The following CFAP61 variants were observed in gnomAD, a reference collection of about 807,000 sequenced individuals.
The protein encoded by CFAP61 is cilia and flagella associated protein 61.
A neutral mutation model predicts 135.6 loss-of-function variants in CFAP61; 107 were observed. The observed-to-expected ratio is 0.79, with a 90% confidence interval of 0.67 to 0.93. CFAP61 has a LOEUF of 0.93. CFAP61 is among the 40% of genes least tolerant of loss of function. CFAP61 has a pLI of 0.00. For synonymous variants in CFAP61, 575 were observed against 578.5 expected (o/e 0.99, Z 0.09); for missense variants, 1,507 against 1,556.2 (o/e 0.97, Z 0.53).
chr20:20,098,123 C>A (rs4814937), intron 7 of CFAP61, among the ~76,000 whole-genome samples: 120,576 of 152,006 alleles, frequency 0.79, 48,170 homozygotes, highest in East Asian at 0.99. Flanking sequence ...GGCAATTTCC[C>A]TGTTACTTAT....
At chr20:20,340,215 T>C (rs1171793669) in intron 25 of CFAP61, among the ~76,000 whole-genome samples, 1 of 152,202 alleles carries the variant, frequency 6.6e-6, no homozygotes, top group Non-Finnish European at 1.5e-5. Context: ...TGTTGTGTGG[T>C]TGGGAGAACA....
intron 21 of CFAP61, among the ~76,000 whole-genome samples, chr20:20,274,608 C>T (rs2053601188): frequency 6.6e-6 from 1 of 152,098 alleles, no homozygotes; most frequent in African/African-American, 2.4e-5. Flanking sequence ...TTTCACTGAG[C>T]TGAGATCGCG....
rs184558253 is a variant in CFAP61 at position 20,168,693 on chromosome 20, C to T, written c.1246-628C>T. On this transcript the variant is annotated intron_variant, in intron 12 of 26. Coordinates refer to ENST00000245957, the MANE Select transcript of CFAP61 (RefSeq NM_015585.4). ...AATACTAGCCACATTTCATTGTCTA[C>T]TGTACTGACAGGGCAGGCCTAGAAT... 1.9e-3 allele frequency among the ~76,000 whole-genome samples: 282 copies of T among 152,294 alleles called. 1 individual carries two copies. The highest frequency in any genetic ancestry group is 6.6e-3 in the African/African-American group (274 of 41,566).
chr20:20,344,736 A>G (rs1342355920), intron 26 of CFAP61, among the ~76,000 whole-genome samples: 1 of 152,222 alleles, frequency 6.6e-6, no homozygotes, highest in Non-Finnish European at 1.5e-5. Flanking sequence ...ATGACCCACC[A>G]GTCCCACTGC....
Position 20,056,687 on chromosome 20 carries a change from G to A in CFAP61, c.34G>A (p.Glu12Lys). 6.2e-7 allele frequency: 1 copy of A among 1,614,144 alleles called. No individual in the cohort carries two copies. Residue 12 changes from glutamate (E) to lysine (K), a missense_variant, in exon 2 of 27, where the codon GAA becomes AAA. By Grantham distance (56) the Glu-to-Lys change is moderately conservative. Transcript: ENST00000245957. ...ACTCACTTCTCCAAGAGGAAAGGTAGAAGTTGTTCATTGCCGAAGAACAGA... is the reference window on the plus strand; with the variant it reads ...ACTCACTTCTCCAAGAGGAAAGGTAAAAGTTGTTCATTGCCGAAGAACAGA... ...SVLTSPRGKV[E>K]VVHCRRTESQ...
chr20:20,340,188 G>A (rs1013908372), intron 25 of CFAP61, among the ~76,000 whole-genome samples: 1 of 152,216 alleles, frequency 6.6e-6, no homozygotes, highest in Non-Finnish European at 1.5e-5. Flanking sequence ...AGAGTTGCTG[G>A]CAAGTGTGAT....
chr20:20,299,234 A>G (rs998863522), intron 25 of CFAP61, among the ~76,000 whole-genome samples: 1 of 152,242 alleles, frequency 6.6e-6, no homozygotes, highest in Admixed American at 6.5e-5. Context: ...CTGGAAATCT[A>G]TGGGCCCACT....
intron 6 of CFAP61, chr20:20,084,965 G>T (rs537859861): frequency 3.8e-6 from 1 of 265,474 alleles, no homozygotes; most frequent in Non-Finnish European, 5.8e-6. Flanking sequence ...TTCCTCCAGG[G>T]AAGTTAAAAT....
chr20:20,067,205 G>A (rs1568818255), intron 2 of CFAP61, among the ~76,000 whole-genome samples: 2 of 152,054 alleles, frequency 1.3e-5, no homozygotes, highest in African/African-American at 4.8e-5. Flanking sequence ...TGACATACGT[G>A]TGTATGTGTG....
At chr20:20,162,448 G>T (rs1386878887) in intron 10 of CFAP61, among the ~76,000 whole-genome samples, 1 of 152,158 alleles carries the variant, frequency 6.6e-6, no homozygotes, top group African/African-American at 2.4e-5. Flanking sequence ...GTCACTGAAG[G>T]TGGCCACCCA....
chr20:20,063,811 A>G (rs2045010484), intron 2 of CFAP61, among the ~76,000 whole-genome samples: 1 of 152,236 alleles, frequency 6.6e-6, no homozygotes, highest in Non-Finnish European at 1.5e-5. Context: ...AGGAATGTGA[A>G]TTAGAATGAA....
At chr20:20,323,176 C>A in intron 25 of CFAP61, 1 of 985,428 alleles carries the variant, frequency 1.0e-6, no homozygotes, top group Non-Finnish European at 1.2e-6. Flanking sequence ...AGCCAGTATA[C>A]CTTTAAAGAG....
intron 22 of CFAP61, among the ~76,000 whole-genome samples, chr20:20,284,781 C>G (rs954159543): frequency 5.3e-5 from 8 of 152,170 alleles, no homozygotes; most frequent in Non-Finnish European, 1.2e-4. Context: ...TATCTTACAT[C>G]TACAAACACT....
At chr20:20,077,062 C>T (rs1204911791) in intron 6 of CFAP61, among the ~76,000 whole-genome samples, 1 of 152,144 alleles carries the variant, frequency 6.6e-6, no homozygotes, top group African/African-American at 2.4e-5. Flanking sequence ...AGAGACTCAT[C>T]TTCAGTTAAC....
At chr20:20,298,793 C>T (rs1681373130) in intron 25 of CFAP61, among the ~76,000 whole-genome samples, 1 of 152,192 alleles carries the variant, frequency 6.6e-6, no homozygotes, top group African/African-American at 2.4e-5. Context: ...GTGTTTGTGA[C>T]CCCAGCCTTC....
Position 20,114,041 on chromosome 20 carries a change from G to GGCAGATT in CFAP61, c.859+15230_859+15236dup, listed in dbSNP as rs1305586461. The stretch of plus-strand genomic sequence containing the variant: ...TCCAGCACTCTGGGAGGCCAAGGCA[G>GGCAGATT]GCAGATTGCTAGAGCTGAGGAGTTC... On this transcript the variant is annotated intron_variant, in intron 8 of 26. Transcript: ENST00000245957. 2.0e-5 allele frequency among the ~76,000 whole-genome samples: 3 copies of GGCAGATT among 150,932 alleles called. No individual in the cohort carries two copies. The East Asian group carries it at 5.9e-4, about 30-fold the overall frequency.
intron 20 of CFAP61, chr20:20,253,561 C>A: frequency 2.0e-6 from 1 of 490,776 alleles, no homozygotes; most frequent in Non-Finnish European, 4.1e-6. Flanking sequence ...CATGACTCTG[C>A]ATTTTTAAGC....
chr20:20,197,091 G>A lies in CFAP61; in HGVS notation c.1797+315G>A, dbSNP rs80215171. 3.6e-3 allele frequency among the ~76,000 whole-genome samples: 548 copies of A among 152,274 alleles called. 5 individuals carry two copies. The highest frequency in any genetic ancestry group is 0.03 in the East Asian group (154 of 5,186). ...AAGATCTAATAATTTCTTATGATACGTGAGTACAATGCCAACATGATCCTA... is the reference window on the plus strand; with the variant it reads ...AAGATCTAATAATTTCTTATGATACATGAGTACAATGCCAACATGATCCTA... On this transcript the variant is annotated intron_variant, in intron 16 of 26. Coordinates refer to ENST00000245957, the MANE Select transcript of CFAP61 (RefSeq NM_015585.4).
intron 18 of CFAP61, among the ~76,000 whole-genome samples, chr20:20,231,653 C>T (rs1474198280): frequency 1.3e-5 from 2 of 152,194 alleles, no homozygotes; most frequent in African/African-American, 4.8e-5. Flanking sequence ...GGAAAGGACC[C>T]AGCCTTCTTT....
Sources: gnomAD v4.1 joint callset for allele counts (sites outside exome capture counted in the v4.1 genomes callset) on GRCh38, gnomAD v4.1.1 for gene constraint, MANE v1.5 for transcripts, NCBI Gene and HGNC (gene_info 2026-07-23, HGNC 2026-07-21) for gene names.